The following NEIL3 variants were observed in gnomAD, a reference collection of about 807,000 sequenced individuals.
NEIL3 encodes the protein nei like DNA glycosylase 3.
A neutral mutation model predicts 57.5 loss-of-function variants in NEIL3; 48 were observed. The ratio of observed to expected loss-of-function variants is 0.83; its 90% CI spans 0.66 to 1.06. The LOEUF (loss-of-function observed/expected upper bound fraction) is 1.06, where lower values mean the gene tolerates loss of function less well. NEIL3 is among the 50% of genes least tolerant of loss of function. NEIL3 has a pLI of 0.00. For missense variants in NEIL3, 717 were observed against 739.1 expected (o/e 0.97, Z 0.35); for synonymous variants, 261 against 253.2 (o/e 1.03, Z -0.29).
At chr4:177,322,318 A>G in intron 1 of NEIL3, 141 bp from the exon 2 acceptor site, 1 of 1,166,752 alleles carries the variant, frequency 8.6e-7, no homozygotes, top group Non-Finnish European at 1.2e-6. Context: ...CGATTACATT[A>G]CATGACTTGT....
At position 177,331,758 on chromosome 4, in the gene NEIL3, C is replaced by T. The variant is rs7662709; in HGVS notation, c.279-3930C>T. 7.1e-3 allele frequency among the ~76,000 whole-genome samples: 1,083 copies of T among 152,232 alleles called. 13 individuals carry two copies. Among genetic ancestry groups the T allele is most frequent in the African/African-American group, 0.025 (1,035 of 41,526 alleles). ...TATTTAAGCTCAGAAACAGTCATGC[C>T]TCTTCTGTCAGTCATTAGTGTCAGG... On this transcript the variant is annotated intron_variant, in intron 2 of 9. Transcript: ENST00000264596.
downstream of NEIL3, among the ~76,000 whole-genome samples, chr4:177,365,184 C>T (rs180856496): frequency 6.6e-6 from 1 of 152,224 alleles, no homozygotes; most frequent in Non-Finnish European, 1.5e-5. Flanking sequence ...TTCCTCTGGA[C>T]ACTGGGTTCC....
chr4:177,329,723 T>C (rs1021874100), intron 2 of NEIL3, among the ~76,000 whole-genome samples: 1 of 152,154 alleles, frequency 6.6e-6, no homozygotes, highest in African/African-American at 2.4e-5. Flanking sequence ...CTTGACCTAA[T>C]TGACAAGTAG....
intron 1 of NEIL3, among the ~76,000 whole-genome samples, chr4:177,311,798 C>G (rs1033203350): frequency 6.6e-6 from 1 of 151,640 alleles, no homozygotes; most frequent in African/African-American, 2.4e-5. Context: ...ATTTAGGAGT[C>G]GACTGCAGAA....
intron 9 of NEIL3, among the ~76,000 whole-genome samples, chr4:177,361,914 C>T (rs1244552436): frequency 6.6e-6 from 1 of 152,146 alleles, no homozygotes; most frequent in Admixed American, 6.6e-5. Context: ...GCATGAGCCA[C>T]CGCACCTCAC....
chr4:177,368,208 TTTTTC>T, the NEIL3 span, among the ~76,000 whole-genome samples: 2 of 152,196 alleles, frequency 1.3e-5, no homozygotes, highest in African/African-American at 2.4e-5. Context: ...ATTATGGTCA[TTTTTC>T]TTTTCTAACA....
intron 7 of NEIL3, among the ~76,000 whole-genome samples, chr4:177,352,980 A>G (rs568349009): frequency 6.6e-6 from 1 of 152,302 alleles, no homozygotes; most frequent in African/African-American, 2.4e-5. Flanking sequence ...CTCAACTACC[A>G]CTTTTTAATG....
chr4:177,344,917 T>TACACA (rs1735180687), intron 6 of NEIL3, among the ~76,000 whole-genome samples: 1 of 152,228 alleles, frequency 6.6e-6, no homozygotes, highest in Non-Finnish European at 1.5e-5. Context: ...GTGAGTATTA[T>TACACA]TTCCTTTAAA....
At chr4:177,313,627 AATC>A (rs1300723535) in intron 1 of NEIL3, among the ~76,000 whole-genome samples, 2 of 152,214 alleles carry the variant, frequency 1.3e-5, no homozygotes, top group Admixed American at 6.5e-5. Flanking sequence ...ATTTTAGTGA[AATC>A]ATATTTAATC....
chr4:177,314,999 G>T, intron 1 of NEIL3, among the ~76,000 whole-genome samples: 1 of 151,080 alleles, frequency 6.6e-6, no homozygotes. Flanking sequence ...AACCCAGGAG[G>T]TGGAGCTTGC....
rs758660043 is a variant in NEIL3 at position 177,336,215 on chromosome 4, G to A, written c.521G>A (p.Gly174Asp). ...RAESEVKKQK[G>D]RMLGDVLMDQ... ...GAAAGTGAAGTTAAAAAACAGAAAG[G>A]CCGGATGCTAGGTGATGTGCTAATG... Residue 174 changes from glycine to aspartate, a missense_variant, in exon 4 of 10, where the codon GGC becomes GAC. Gly to Asp is a moderately conservative substitution (Grantham distance 94). Transcript: ENST00000264596. 2.5e-6 allele frequency: 4 copies of A among 1,613,980 alleles called. No homozygotes were observed. In the East Asian group the frequency reaches 6.7e-5, roughly 27 times the overall value.
At chr4:177,333,222 C>G (rs1175447657) in intron 2 of NEIL3, among the ~76,000 whole-genome samples, 1 of 152,110 alleles carries the variant, frequency 6.6e-6, no homozygotes, top group East Asian at 1.9e-4. Context: ...GAAACTGTGA[C>G]AGTACTGCTT....
At position 177,336,178 on chromosome 4, in the gene NEIL3, T is replaced by C; in HGVS notation, c.484T>C (p.Phe162Leu). Reference protein sequence around the residue: ...ELDVCSPEFSFLRAESEVKKQ... With the variant: ...ELDVCSPEFSLLRAESEVKKQ... The stretch of plus-strand genomic sequence containing the variant: ...AGATGTATGTTCACCTGAATTTAGT[T>C]TCTTGAGAGCAGAAAGTGAAGTTAA... Residue 162 changes from phenylalanine (F) to leucine (L), a missense_variant, in exon 4 of 10, where the codon TTC becomes CTC. Coordinates refer to ENST00000264596, the MANE Select transcript of NEIL3 (RefSeq NM_018248.3). 1 of 1,614,062 alleles carries C rather than the reference T, an allele frequency of 6.2e-7. No individual in the cohort carries two copies. The highest frequency in any genetic ancestry group is 8.5e-7 in the Non-Finnish European group (1 of 1,179,922).
At chr4:177,339,711 G>A in intron 4 of NEIL3, 72 bp from the exon 5 acceptor site, 2 of 962,278 alleles carry the variant, frequency 2.1e-6, no homozygotes, top group Admixed American at 1.9e-5. Flanking sequence ...TCACAGAATT[G>A]GCAAGGCGTA....
chr4:177,345,379 A>C (rs1199390311), intron 6 of NEIL3, among the ~76,000 whole-genome samples: 1 of 152,194 alleles, frequency 6.6e-6, no homozygotes, highest in Admixed American at 6.5e-5. Context: ...GCACATATTC[A>C]GGTCTCTAAA....
intron 8 of NEIL3, 28 bp from the exon 9 acceptor site, chr4:177,360,475 G>C (rs1156690326): frequency 6.3e-7 from 1 of 1,596,874 alleles, no homozygotes; most frequent in East Asian, 2.2e-5. Context: ...CTCCTATGCT[G>C]TACTTATTTT....
intron 8 of NEIL3, among the ~76,000 whole-genome samples, chr4:177,359,335 T>C (rs1296714387): frequency 6.6e-6 from 1 of 152,210 alleles, no homozygotes; most frequent in Non-Finnish European, 1.5e-5. Context: ...TTTGAGTTCA[T>C]CCCAGCAAAC....
chr4:177,320,861 A>G (rs1734670927), intron 1 of NEIL3, among the ~76,000 whole-genome samples: 2 of 152,094 alleles, frequency 1.3e-5, no homozygotes, highest in Non-Finnish European at 2.9e-5. Context: ...AGGGATATAT[A>G]AAGCCAGTCG....
In NEIL3 at chr4:177,362,630, AT is replaced by A; in HGVS notation, c.*161del. ...TTTTTCTTGTGTGTGCCATCTTTCC[AT>A]TGTTGGCTACGTCTTTTCTTTTGCC... is the stretch of plus-strand genomic sequence containing the variant. On this transcript the variant is annotated 3_prime_UTR_variant, in exon 10 of 10. Transcript: ENST00000264596. 1.8e-6 allele frequency: 1 copy of A among 548,456 alleles called. No individual in the cohort carries two copies. The highest frequency in any genetic ancestry group is 2.0e-5 in the African/African-American group (1 of 51,278). The allele number at this position is 548,456 out of a possible 1,614,324, so 34.0% of individuals were successfully genotyped here. A position where few individuals can be genotyped will look rare whatever the true frequency, so the allele number is the denominator to read the frequency against.
Sources: allele counts gnomAD v4.1 joint callset (sites outside exome capture counted in the v4.1 genomes callset), GRCh38; gene constraint gnomAD v4.1.1; transcripts MANE v1.5; gene names NCBI Gene and HGNC (gene_info 2026-07-23, HGNC 2026-07-21).